The following COL13A1 variants were observed in gnomAD, a reference collection of about 807,000 sequenced individuals.
The protein encoded by COL13A1 is collagen alpha-1(XIII) chain.
Under a neutral mutation model 130.9 loss-of-function variants are expected in COL13A1, and 89 were observed. The ratio of observed to expected loss-of-function variants is 0.68; its 90% CI spans 0.57 to 0.81. The LOEUF (loss-of-function observed/expected upper bound fraction) is 0.81, where lower values mean the gene tolerates loss of function less well. COL13A1 is among the 30% of genes least tolerant of loss of function. The probability of loss-of-function intolerance (pLI) is 0.00; values close to 1 mark genes in which losing one functional copy is unlikely to be tolerated. For synonymous variants in COL13A1, 402 were observed against 341.6 expected, an observed-to-expected ratio of 1.18 and a Z score of -1.95; for missense variants, 879 against 934.6, an observed-to-expected ratio of 0.94 and a Z score of 0.78.
intron 9 of COL13A1, 61 bp downstream of exon 9, chr10:69,888,391 C>G: frequency 6.3e-7 from 1 of 1,581,186 alleles, no homozygotes; most frequent in Admixed American, 1.8e-5. Flanking sequence ...CTTGGTCATT[C>G]TGCAAGATAT....
chr10:69,947,195 C>T, intron 37 of COL13A1, 112 bp from the exon 38 acceptor site: 4 of 933,516 alleles, frequency 4.3e-6, no homozygotes, highest in Non-Finnish European at 6.8e-6. Flanking sequence ...ATAACTAAAC[C>T]TGTCTCCAGT....
At chr10:69,849,318 C>A (rs1854045220) in intron 2 of COL13A1, among the ~76,000 whole-genome samples, 1 of 150,062 alleles carries the variant, frequency 6.7e-6, no homozygotes, top group Admixed American at 6.6e-5. Context: ...GCCCAGCTGC[C>A]TAGCCTGGTG....
intron 2 of COL13A1, among the ~76,000 whole-genome samples, chr10:69,865,269 C>T (rs1377484484): frequency 1.3e-5 from 2 of 152,202 alleles, no homozygotes; most frequent in African/African-American, 2.4e-5. Flanking sequence ...GGGTAATGGG[C>T]ACAGCCAAGT....
intron 1 of COL13A1, among the ~76,000 whole-genome samples, chr10:69,815,998 T>C (rs946633384): frequency 6.6e-6 from 1 of 151,230 alleles, no homozygotes; most frequent in African/African-American, 2.4e-5. Context: ...GCCAGGTAGG[T>C]AGCTGGGAAG....
chr10:69,887,476 T>A lies in COL13A1; in HGVS notation c.534T>A (p.Gly178=). The A allele has an allele frequency of 6.2e-7, 1 of 1,613,118 alleles. No homozygotes were observed. The highest frequency in any genetic ancestry group is 1.1e-5 in the South Asian group (1 of 90,970). Residue 178 remains glycine, a synonymous_variant, in exon 8 of 41, where the codon GGT becomes GGA. Transcript: ENST00000645393. Reference sequence around the variant, plus strand: ...TTCAGGGTCAACCAGGAACTAGAGGTTTCCCTGGATTTCCGGTAAGTGGAG... The same window carrying A: ...TTCAGGGTCAACCAGGAACTAGAGGATTCCCTGGATTTCCGGTAAGTGGAG... The part of the protein sequence containing the change: ...RGPPGQPGTR[G]FPGFPGPIGL...
In COL13A1 at chr10:69,925,799, TC is replaced by T; in HGVS notation, c.1330-3del. ...CCGTGGGTTGAGATCTCATTTGCCT[TC>T]CAGGGCTCCAAGGGAGAACCAGGGA... On this transcript the variant is annotated splice_region_variant and splice_polypyrimidine_tract_variant and intron_variant, in intron 25 of 40. Coordinates refer to ENST00000645393, the MANE Select transcript of COL13A1 (RefSeq NM_001368882.1). 1 of 1,592,120 alleles carries T rather than the reference TC, an allele frequency of 6.3e-7. No homozygotes were observed. The highest frequency in any genetic ancestry group is 8.6e-7 in the Non-Finnish European group (1 of 1,169,214).
At chr10:69,833,947 G>A (rs977795821) in intron 2 of COL13A1, among the ~76,000 whole-genome samples, 10 of 152,114 alleles carry the variant, frequency 6.6e-5, no homozygotes, top group Middle Eastern at 3.2e-3. Flanking sequence ...AGGAAACCAC[G>A]GAAGGTTTCT....
intron 17 of COL13A1, among the ~76,000 whole-genome samples, chr10:69,914,979 G>A (rs757394697): frequency 1.1e-4 from 17 of 152,228 alleles, no homozygotes; most frequent in East Asian, 1.9e-4. Flanking sequence ...GCTCTGCTCC[G>A]CTTTCAGCCT....
At chr10:69,942,539 GTCTT>G (rs1247692918) in intron 35 of COL13A1, among the ~76,000 whole-genome samples, 1 of 152,146 alleles carries the variant, frequency 6.6e-6, no homozygotes. Context: ...TAGGAACTGA[GTCTT>G]TATTTTCCTC....
chr10:69,957,071 G>A, intron 40 of COL13A1, 29 bp downstream of exon 40: 4 of 1,597,452 alleles, frequency 2.5e-6, no homozygotes, highest in Non-Finnish European at 1.7e-6. Context: ...GTGCACTGGG[G>A]CTCCGTTCTC....
chr10:69,860,772 G>A (rs573126968), intron 2 of COL13A1: 23 of 237,292 alleles, frequency 9.7e-5, no homozygotes, highest in Admixed American at 4.9e-4. Context: ...TCCAAGGGAT[G>A]TGGGACTCTG....
chr10:69,946,136 G>A (rs936227866), intron 37 of COL13A1, among the ~76,000 whole-genome samples: 1 of 151,520 alleles, frequency 6.6e-6, no homozygotes, highest in Admixed American at 6.6e-5. Context: ...ACAAATCCAG[G>A]GCCAAGGGAG....
chr10:69,848,847 CCTT>C (rs1345818515), intron 2 of COL13A1, among the ~76,000 whole-genome samples: 1 of 152,246 alleles, frequency 6.6e-6, no homozygotes, highest in Non-Finnish European at 1.5e-5. Flanking sequence ...CCACAACTCA[CCTT>C]CTCTTTGTGG....
At chr10:69,891,678 G>T (rs995738226) in intron 10 of COL13A1, among the ~76,000 whole-genome samples, 3 of 152,172 alleles carry the variant, frequency 2.0e-5, no homozygotes, top group Admixed American at 2.0e-4. Flanking sequence ...AGGGCTTGGG[G>T]TGCTCATCCC....
chr10:69,940,783 T>G (rs530530705), intron 34 of COL13A1, among the ~76,000 whole-genome samples: 1 of 152,308 alleles, frequency 6.6e-6, no homozygotes, highest in African/African-American at 2.4e-5. Flanking sequence ...GCCACTGCAT[T>G]CAGTGTCTCC....
chr10:69,829,491 G>T (rs1848295605), intron 2 of COL13A1, among the ~76,000 whole-genome samples: 2 of 152,218 alleles, frequency 1.3e-5, no homozygotes, highest in South Asian at 4.1e-4. Flanking sequence ...ACAGACTATG[G>T]CTGACGGGAG....
At chr10:69,813,938 C>T (rs1843730072) in intron 1 of COL13A1, among the ~76,000 whole-genome samples, 1 of 152,192 alleles carries the variant, frequency 6.6e-6, no homozygotes, top group South Asian at 2.1e-4. Flanking sequence ...TCTGCCAAAG[C>T]CCACCTCCTC....
chr10:69,956,073 G>C (rs1335090825), intron 39 of COL13A1: 1 of 152,166 alleles, frequency 6.6e-6, no homozygotes, highest in Non-Finnish European at 1.5e-5. Flanking sequence ...ACTTGCTCCG[G>C]GTCTCCTGAA....
intron 9 of COL13A1, 136 bp downstream of exon 9, chr10:69,888,466 G>A (rs2060821481): frequency 2.4e-6 from 3 of 1,260,220 alleles, no homozygotes. Context: ...TCACTAGTGG[G>A]AAGTGGAGGG....
Sources: gnomAD v4.1 joint callset for allele counts (sites outside exome capture counted in the v4.1 genomes callset) on GRCh38, gnomAD v4.1.1 for gene constraint, MANE v1.5 for transcripts, NCBI Gene and HGNC (gene_info 2026-07-23, HGNC 2026-07-21) for gene names.